The following TENM2 variants were observed in gnomAD, a reference collection of about 807,000 sequenced individuals.
TENM2 encodes the protein teneurin transmembrane protein 2, also known as teneurin-2.
In TENM2, 52 loss-of-function variants were observed where a neutral mutation model predicts 245.2. The observed-to-expected ratio is 0.21, with a 90% CI of 0.17 to 0.27. The LOEUF is 0.27. Ranked by LOEUF, TENM2 falls within the 10% of genes least tolerant of loss-of-function variation. TENM2 has a pLI of 1.00. For missense variants in TENM2, 3,046 were observed against 3,666.8 expected (o/e 0.83, Z 4.37); for synonymous variants, 1,363 against 1,438.9 (o/e 0.95, Z 1.19).
chr5:168,187,905 T>C (rs1760617440), intron 13 of TENM2, among the ~76,000 whole-genome samples: 1 of 152,128 alleles, frequency 6.6e-6, no homozygotes, highest in African/African-American at 2.4e-5. Context: ...ATTTTGAAAG[T>C]CTCTCAATCT....
chr5:167,634,281 T>C (rs984790315), intron 2 of TENM2, among the ~76,000 whole-genome samples: 2 of 152,202 alleles, frequency 1.3e-5, no homozygotes, highest in African/African-American at 4.8e-5. Context: ...AAGGAATTCT[T>C]CTGATATTTG....
intron 5 of TENM2, among the ~76,000 whole-genome samples, chr5:168,030,800 G>T (rs757218838): frequency 7.2e-5 from 11 of 152,148 alleles, no homozygotes; most frequent in Non-Finnish European, 1.5e-4. Flanking sequence ...ATTAAAAGAA[G>T]AAAATACTAT....
At chr5:167,673,811 CCTGT>C (rs1561659954) in intron 2 of TENM2, among the ~76,000 whole-genome samples, 1 of 151,832 alleles carries the variant, frequency 6.6e-6, no homozygotes, top group Non-Finnish European at 1.5e-5. Flanking sequence ...CTTCTATTGA[CCTGT>C]CTATTTGAAC....
the TENM2 span, among the ~76,000 whole-genome samples, chr5:167,181,779 T>C: frequency 2.0e-5 from 3 of 152,204 alleles, no homozygotes; most frequent in Non-Finnish European, 4.4e-5. Context: ...TAATTTTTCA[T>C]TGTAACACAA....
chr5:167,053,234 CTT>C, the TENM2 span, among the ~76,000 whole-genome samples: 1 of 152,116 alleles, frequency 6.6e-6, no homozygotes, highest in African/African-American at 2.4e-5. Flanking sequence ...TCTTATGACA[CTT>C]ATTACATGGA....
intron 2 of TENM2, among the ~76,000 whole-genome samples, chr5:167,796,519 T>C (rs1434792694): frequency 1.3e-5 from 2 of 152,198 alleles, no homozygotes; most frequent in African/African-American, 4.8e-5. Context: ...ACCTGAGTGA[T>C]GCCTTTCATG....
the TENM2 span, among the ~76,000 whole-genome samples, chr5:167,241,295 A>T: frequency 6.6e-6 from 1 of 152,214 alleles, no homozygotes; most frequent in East Asian, 1.9e-4. Flanking sequence ...TAGAAAAAAA[A>T]GTCTTGTTCC....
At chr5:167,770,108 T>G (rs1398064561) in intron 2 of TENM2, among the ~76,000 whole-genome samples, 2 of 152,156 alleles carry the variant, frequency 1.3e-5, no homozygotes, top group Non-Finnish European at 2.9e-5. Flanking sequence ...ATTTGTTGAG[T>G]TCTTACTATG....
the TENM2 span, among the ~76,000 whole-genome samples, chr5:167,255,801 T>G: frequency 6.6e-6 from 1 of 152,250 alleles, no homozygotes; most frequent in South Asian, 2.1e-4. Context: ...TTGCAGTACA[T>G]GTGTTTGAAA....
chr5:167,115,759 T>C, the TENM2 span, among the ~76,000 whole-genome samples: 1 of 152,190 alleles, frequency 6.6e-6, no homozygotes, highest in African/African-American at 2.4e-5. Context: ...AAAAAAAGAA[T>C]TTTAATTGGA....
At chr5:168,194,400 A>C (rs1454307079) in intron 14 of TENM2, among the ~76,000 whole-genome samples, 1 of 152,102 alleles carries the variant, frequency 6.6e-6, no homozygotes, top group African/African-American at 2.4e-5. Context: ...ATTTGTGGGA[A>C]AGTTCTAGTT....
At chr5:167,705,777 T>A (rs1316027957) in intron 2 of TENM2, among the ~76,000 whole-genome samples, 1 of 151,748 alleles carries the variant, frequency 6.6e-6, no homozygotes. Context: ...TTTCCCCTAC[T>A]CCCCAGCCCC....
At chr5:167,754,728 C>CTAAAAAA (rs112711792) in intron 2 of TENM2, among the ~76,000 whole-genome samples, 1 of 145,158 alleles carries the variant, frequency 6.9e-6, no homozygotes, top group Non-Finnish European at 1.5e-5. Context: ...AGAGATATTT[C>CTAAAAAA]AAAAAAAAAA....
intron 2 of TENM2, among the ~76,000 whole-genome samples, chr5:167,501,373 T>G (rs1225352725): frequency 6.6e-6 from 1 of 152,074 alleles, no homozygotes; most frequent in African/African-American, 2.4e-5. Flanking sequence ...CACCTTTATA[T>G]CTTCTCTACC....
At chr5:167,462,836 A>G (rs994502038) in intron 2 of TENM2, among the ~76,000 whole-genome samples, 2 of 151,988 alleles carry the variant, frequency 1.3e-5, no homozygotes, top group South Asian at 2.1e-4. Context: ...TCTCATTTAG[A>G]GCTGCCAGTT....
chr5:167,072,423 G>A, the TENM2 span, among the ~76,000 whole-genome samples: 104 of 152,212 alleles, frequency 6.8e-4, 2 homozygotes, highest in Middle Eastern at 0.02. Context: ...TTGGTGCGGA[G>A]GGCAGGGAAT....
At chr5:167,020,236 A>G in the TENM2 span, among the ~76,000 whole-genome samples, 1 of 152,162 alleles carries the variant, frequency 6.6e-6, no homozygotes, top group African/African-American at 2.4e-5. Context: ...GAGGAATTTT[A>G]CTCTCTGCAT....
chr5:167,001,786 C>G, the TENM2 span, among the ~76,000 whole-genome samples: 10 of 151,922 alleles, frequency 6.6e-5, no homozygotes, highest in African/African-American at 2.4e-4. Flanking sequence ...GCACATGGTA[C>G]AAGCTTGTTG....
chr5:167,354,182 A>G (rs2127854700), intron 1 of TENM2, among the ~76,000 whole-genome samples: 1 of 152,310 alleles, frequency 6.6e-6, no homozygotes, highest in Admixed American at 6.5e-5. Flanking sequence ...GCGTGATGGG[A>G]GAGGATGCCA....
Sources: allele counts gnomAD v4.1 joint callset (sites outside exome capture counted in the v4.1 genomes callset), GRCh38; gene constraint gnomAD v4.1.1; transcripts MANE v1.5; gene names NCBI Gene and HGNC (gene_info 2026-07-23, HGNC 2026-07-21).